The following STXBP5 variants were observed in gnomAD, a reference collection of about 807,000 sequenced individuals.
STXBP5 encodes the protein syntaxin-binding protein 5.
STXBP5 carries 50 observed loss-of-function variants against 152.4 expected under a neutral mutation model. The ratio of observed to expected loss-of-function variants is 0.33; its 90% confidence interval spans 0.26 to 0.42. The LOEUF is 0.42. Ranked by LOEUF, STXBP5 falls within the 10% of genes least tolerant of loss-of-function variation. STXBP5 has a pLI of 1.00. For synonymous variants in STXBP5, 492 were observed against 494.7 expected, an observed-to-expected ratio of 0.99 and a Z score of 0.07; for missense variants, 1,167 against 1,388.6, an observed-to-expected ratio of 0.84 and a Z score of 2.54.
chr6:147,244,343 C>A (rs755381442), intron 4 of STXBP5, among the ~76,000 whole-genome samples: 1 of 152,120 alleles, frequency 6.6e-6, no homozygotes, highest in Non-Finnish European at 1.5e-5. Flanking sequence ...GTCAGCCCTC[C>A]GACTTTGGTC....
intron 9 of STXBP5, among the ~76,000 whole-genome samples, chr6:147,303,350 T>G (rs1781923452): frequency 6.6e-6 from 1 of 152,146 alleles, no homozygotes; most frequent in South Asian, 2.1e-4. Context: ...CCCCCTTTGC[T>G]CGGCTCTCTG....
intron 22 of STXBP5, among the ~76,000 whole-genome samples, chr6:147,355,092 T>C (rs1269626100): frequency 6.6e-6 from 1 of 152,058 alleles, no homozygotes; most frequent in East Asian, 1.9e-4. Flanking sequence ...GCACTGTACT[T>C]GCACTATAGC....
Position 147,205,975 on chromosome 6 carries a change from T to G in STXBP5, c.155T>G (p.Val52Gly). Residue 52 changes from valine (V) to glycine (G), a missense_variant, in exon 2 of 28, where the codon GTT becomes GGT. Physicochemically the swap from Val to Gly is moderately radical, Grantham distance 109. Around this residue, in one of 3 missense-constraint regions of STXBP5, gnomAD observed 310 missense variants for 346.1 expected, o/e 0.90. Coordinates refer to ENST00000321680, the MANE Select transcript of STXBP5 (RefSeq NM_001127715.4). ...ATGTCACTTGCCCATCCCTAGACTGTTCGCCATGGATTTCCCTATCAACCC... is the reference window on the plus strand; with the variant it reads ...ATGTCACTTGCCCATCCCTAGACTGGTCGCCATGGATTTCCCTATCAACCC... The part of the protein sequence containing the change: ...QSEHFQLCKT[V>G]RHGFPYQPSA... 6.2e-7 allele frequency: 1 copy of G among 1,614,092 alleles called. No homozygotes were observed.
At chr6:147,305,266 A>G (rs1398153355) in intron 9 of STXBP5, among the ~76,000 whole-genome samples, 1 of 152,234 alleles carries the variant, frequency 6.6e-6, no homozygotes, top group Non-Finnish European at 1.5e-5. Context: ...AAATTTAAAA[A>G]AAAATTTAAA....
At chr6:147,240,490 G>A (rs1778488562) in intron 4 of STXBP5, among the ~76,000 whole-genome samples, 1 of 151,952 alleles carries the variant, frequency 6.6e-6, no homozygotes, top group African/African-American at 2.4e-5. Context: ...AATCTTATAG[G>A]AATACCAAAA....
At chr6:147,245,227 C>T (rs895926509) in intron 4 of STXBP5, among the ~76,000 whole-genome samples, 1 of 151,850 alleles carries the variant, frequency 6.6e-6, no homozygotes, top group African/African-American at 2.4e-5. Flanking sequence ...TAGGACTTCA[C>T]CATATAATTG....
chr6:147,324,718 A>C (rs573697295), intron 16 of STXBP5, among the ~76,000 whole-genome samples: 1 of 147,304 alleles, frequency 6.8e-6, no homozygotes. Context: ...CTCACCTCTT[A>C]TTTTCTCCTT....
intron 9 of STXBP5, among the ~76,000 whole-genome samples, chr6:147,302,320 C>T (rs1055194718): frequency 6.6e-6 from 1 of 152,052 alleles, no homozygotes; most frequent in African/African-American, 2.4e-5. Flanking sequence ...AGATTCTGAA[C>T]AGGCACACAC....
chr6:147,328,916 A>G (rs964923535), intron 18 of STXBP5: 2 of 298,324 alleles, frequency 6.7e-6, no homozygotes, highest in South Asian at 3.1e-5. Context: ...ATCTCATGAC[A>G]TGTATATGAA....
intron 16 of STXBP5, among the ~76,000 whole-genome samples, chr6:147,317,677 G>A (rs1782710467): frequency 6.6e-6 from 1 of 152,122 alleles, no homozygotes; most frequent in Admixed American, 6.5e-5. Flanking sequence ...AAGGTATCAA[G>A]TTTTTCTTTC....
chr6:147,248,958 A>G (rs1778955281), intron 4 of STXBP5, among the ~76,000 whole-genome samples: 2 of 152,158 alleles, frequency 1.3e-5, no homozygotes, highest in Non-Finnish European at 2.9e-5. Flanking sequence ...GGGGCCATGT[A>G]GGAATACCAG....
At chr6:147,270,771 G>T (rs1017380474) in intron 7 of STXBP5, among the ~76,000 whole-genome samples, 12 of 152,058 alleles carry the variant, frequency 7.9e-5, no homozygotes, top group African/African-American at 2.9e-4. Flanking sequence ...AATTATCCAA[G>T]CCAAATATAA....
intron 2 of STXBP5, among the ~76,000 whole-genome samples, chr6:147,223,323 G>A (rs1160755969): frequency 6.6e-6 from 1 of 152,144 alleles, no homozygotes; most frequent in Non-Finnish European, 1.5e-5. Flanking sequence ...TATACAAAAT[G>A]AAGTGCTCTT....
chr6:147,324,372 A>T (rs1204425958), intron 16 of STXBP5, among the ~76,000 whole-genome samples: 2 of 143,720 alleles, frequency 1.4e-5, no homozygotes, highest in East Asian at 4.2e-4. Context: ...TCCCGGGTTC[A>T]AGCGATTCTC....
intron 2 of STXBP5, among the ~76,000 whole-genome samples, chr6:147,220,686 T>G (rs576937294): frequency 1.3e-5 from 2 of 152,160 alleles, no homozygotes; most frequent in African/African-American, 4.8e-5. Context: ...ATAGCTACTT[T>G]GCTTTCTTTT....
At chr6:147,352,777 G>C (rs1392255396) in intron 21 of STXBP5, among the ~76,000 whole-genome samples, 1 of 152,122 alleles carries the variant, frequency 6.6e-6, no homozygotes, top group East Asian at 1.9e-4. Context: ...CCTTTCCTGT[G>C]AGCCTAAGAA....
chr6:147,289,785 G>A (rs1324390992), intron 8 of STXBP5, among the ~76,000 whole-genome samples: 7 of 151,186 alleles, frequency 4.6e-5, no homozygotes, highest in East Asian at 1.9e-4. Context: ...ACGGTCTTAC[G>A]CTGCTGATAG....
chr6:147,300,100 C>G (rs931733571), intron 9 of STXBP5, among the ~76,000 whole-genome samples: 1 of 151,796 alleles, frequency 6.6e-6, no homozygotes, highest in Non-Finnish European at 1.5e-5. Context: ...TTAAATTTAA[C>G]AAAGGAGATA....
chr6:147,319,778 G>T (rs1782821378), intron 16 of STXBP5, among the ~76,000 whole-genome samples: 1 of 144,292 alleles, frequency 6.9e-6, no homozygotes, highest in African/African-American at 2.5e-5. Flanking sequence ...TTGCTTACTA[G>T]AATCTACGAA....
Sources: gnomAD v4.1 joint callset for allele counts (sites outside exome capture counted in the v4.1 genomes callset) on GRCh38, gnomAD v4.1.1 for gene constraint, gnomAD v4.1.1 regional missense constraint, MANE v1.5 for transcripts, NCBI Gene and HGNC (gene_info 2026-07-23, HGNC 2026-07-21) for gene names.